The following TMEM161B variants were observed in gnomAD, a reference collection of about 807,000 sequenced individuals.
TMEM161B encodes the protein transmembrane protein 161B.
Under a neutral mutation model 61.8 loss-of-function variants are expected in TMEM161B, and 34 were observed. That is an observed-to-expected ratio of 0.55 (90% CI 0.42 to 0.73). The LOEUF (loss-of-function observed/expected upper bound fraction) is 0.73, where lower values mean the gene tolerates loss of function less well. TMEM161B is among the 30% of genes least tolerant of loss of function. The pLI is 0.00. For missense variants in TMEM161B, 456 were observed against 558.5 expected (o/e 0.82, Z 1.85); for synonymous variants, 167 against 192.8 (o/e 0.87, Z 1.11).
chr5:88,241,385 A>G (rs1254993039), intron 1 of TMEM161B, among the ~76,000 whole-genome samples: 2 of 151,884 alleles, frequency 1.3e-5, no homozygotes, highest in Non-Finnish European at 2.9e-5. Context: ...AAGATCACAT[A>G]GTCTAATATA....
intron 6 of TMEM161B, among the ~76,000 whole-genome samples, chr5:88,206,732 A>G (rs1745573291): frequency 6.6e-6 from 1 of 152,120 alleles, no homozygotes; most frequent in African/African-American, 2.4e-5. Context: ...GTGTGCATAA[A>G]ATTTGCATTA....
chr5:88,243,481 T>C (rs115734017), intron 1 of TMEM161B, among the ~76,000 whole-genome samples: 9,747 of 151,970 alleles, frequency 0.064, 447 homozygotes, highest in Non-Finnish European at 0.098. Context: ...CACATTTTCT[T>C]TATCCAGTCT....
intron 1 of TMEM161B, among the ~76,000 whole-genome samples, chr5:88,244,705 A>G (rs1486312257): frequency 6.6e-6 from 1 of 151,118 alleles, no homozygotes; most frequent in Non-Finnish European, 1.5e-5. Context: ...TGATAGGAAT[A>G]GCACTGAATC....
intron 5 of TMEM161B, 84 bp downstream of exon 5, chr5:88,220,479 C>T: frequency 8.9e-7 from 1 of 1,118,520 alleles, no homozygotes; most frequent in Non-Finnish European, 1.2e-6. Context: ...TATCTAATGA[C>T]ATAAAATCTT....
intron 5 of TMEM161B, 126 bp from the exon 6 acceptor site, chr5:88,207,306 C>G: frequency 1.1e-6 from 1 of 912,340 alleles, no homozygotes; most frequent in Non-Finnish European, 1.6e-6. Context: ...GTTTAAAACA[C>G]TTTTAAATTA....
At chr5:88,205,527 G>C (rs1745288754) in intron 8 of TMEM161B, among the ~76,000 whole-genome samples, 1 of 152,010 alleles carries the variant, frequency 6.6e-6, no homozygotes, top group African/African-American at 2.4e-5. Flanking sequence ...TTTAGTTGTA[G>C]AGATTGCAGT....
intron 5 of TMEM161B, among the ~76,000 whole-genome samples, chr5:88,213,485 T>C (rs1004621956): frequency 9.2e-5 from 14 of 152,094 alleles, no homozygotes; most frequent in African/African-American, 3.4e-4. Flanking sequence ...TCAGCCAGCC[T>C]CAACCTAACC....
At chr5:88,228,376 A>G (rs1750410221) in intron 3 of TMEM161B, 69 bp downstream of exon 3, 2 of 1,180,398 alleles carry the variant, frequency 1.7e-6, no homozygotes, top group Non-Finnish European at 2.4e-6. Context: ...TTCTTTAATC[A>G]AAGCATAAAA....
chr5:88,195,315 T>C lies in TMEM161B; in HGVS notation c.*896A>G. 1.2e-6 allele frequency: 1 copy of C among 848,354 alleles called. No individual in the cohort carries two copies. The highest frequency in any genetic ancestry group is 1.4e-6 in the Non-Finnish European group (1 of 706,390). 52.6% of individuals were successfully genotyped at this position (848,354 alleles called of 1,614,324 possible). On this transcript the variant is annotated 3_prime_UTR_variant, in exon 12 of 12. Transcript: ENST00000296595. ...AACATACATTCTGCAACTTAAAATA[T>C]TATAAGGATTCAATATTTTCATCTT...
At chr5:88,266,513 C>T (rs1207179548) in intron 1 of TMEM161B, among the ~76,000 whole-genome samples, 2 of 152,166 alleles carry the variant, frequency 1.3e-5, no homozygotes, top group South Asian at 2.1e-4. Context: ...TAAGAAGGTG[C>T]TTTAATACCC....
chr5:88,229,034 T>C (rs1044599382), intron 2 of TMEM161B, among the ~76,000 whole-genome samples: 1 of 152,214 alleles, frequency 6.6e-6, no homozygotes, highest in Non-Finnish European at 1.5e-5. Flanking sequence ...AGAAAATCAT[T>C]GTATTAAAAA....
chr5:88,231,103 T>G (rs1750913448), intron 2 of TMEM161B, among the ~76,000 whole-genome samples: 1 of 152,114 alleles, frequency 6.6e-6, no homozygotes, highest in Non-Finnish European at 1.5e-5. Context: ...GAGGGTGAAA[T>G]CCTGACTTCA....
chr5:88,195,998 CA>C lies in TMEM161B; in HGVS notation c.*212del. 3 of 1,303,676 alleles carry C rather than the reference CA, an allele frequency of 2.3e-6. No homozygotes were observed. The South Asian group carries it at 6.1e-5, about 26-fold the overall frequency. The allele number at this position is 1,303,676 out of a possible 1,614,324, so 80.8% of individuals were successfully genotyped here. On this transcript the variant is annotated 3_prime_UTR_variant, in exon 12 of 12. Transcript: ENST00000296595. ...ATACAAAGAGTTAAAATTCCAATGC[CA>C]CAGTGTAACAGTTAACAATCTATTT... is the stretch of plus-strand genomic sequence containing the variant.
intron 1 of TMEM161B, among the ~76,000 whole-genome samples, chr5:88,243,874 T>C (rs1481345358): frequency 1.3e-5 from 2 of 152,016 alleles, no homozygotes; most frequent in African/African-American, 2.4e-5. Flanking sequence ...CATATGTTTG[T>C]TGGCCACATA....
At chr5:88,245,729 T>A (rs1174631184) in intron 1 of TMEM161B, among the ~76,000 whole-genome samples, 1 of 151,944 alleles carries the variant, frequency 6.6e-6, no homozygotes, top group Non-Finnish European at 1.5e-5. Flanking sequence ...GAAGAGGGCA[T>A]CTTGCCCAAC....
chr5:88,246,971 C>T (rs1202196518), intron 1 of TMEM161B, among the ~76,000 whole-genome samples: 1 of 151,924 alleles, frequency 6.6e-6, no homozygotes. Flanking sequence ...CCTCTAGGCA[C>T]TGATTCTCTT....
At chr5:88,239,189 T>C (rs1752343195) in intron 2 of TMEM161B, among the ~76,000 whole-genome samples, 1 of 152,030 alleles carries the variant, frequency 6.6e-6, no homozygotes, top group African/African-American at 2.4e-5. Context: ...TAGTTTTCAC[T>C]AGTGAGTATA....
downstream of TMEM161B, among the ~76,000 whole-genome samples, chr5:88,191,998 A>G (rs1457678947): frequency 2.4e-4 from 19 of 78,506 alleles, no homozygotes; most frequent in African/African-American, 3.3e-4. Flanking sequence ...ATATATATAT[A>G]TATATATATA....
At chr5:88,240,143 A>C (rs2112651785) in intron 2 of TMEM161B, among the ~76,000 whole-genome samples, 1 of 151,902 alleles carries the variant, frequency 6.6e-6, no homozygotes, top group East Asian at 2.0e-4. Flanking sequence ...TTGTGGAAGG[A>C]GTAGGGATTG....
Sources: gnomAD v4.1 joint callset for allele counts (sites outside exome capture counted in the v4.1 genomes callset) on GRCh38, gnomAD v4.1.1 for gene constraint, MANE v1.5 for transcripts, NCBI Gene and HGNC (gene_info 2026-07-23, HGNC 2026-07-21) for gene names.